OSBPL11: variants seen among roughly 807,000 people sequenced by gnomAD.
The protein encoded by OSBPL11 is oxysterol-binding protein-related protein 11.
In OSBPL11, 33 loss-of-function variants were observed where a neutral mutation model predicts 84.4. The ratio of observed to expected loss-of-function variants is 0.39; its 90% confidence interval spans 0.30 to 0.52. The LOEUF (loss-of-function observed/expected upper bound fraction) is 0.52. OSBPL11 is among the 20% of genes least tolerant of loss of function. The pLI is 0.72. For synonymous variants in OSBPL11, 276 were observed against 310.2 expected (o/e 0.89, Z 1.16); for missense variants, 736 against 901.1 (o/e 0.82, Z 2.35).
intron 3 of OSBPL11, among the ~76,000 whole-genome samples, chr3:125,579,262 C>T (rs1353167196): frequency 6.6e-6 from 1 of 152,122 alleles, no homozygotes; most frequent in Non-Finnish European, 1.5e-5. Flanking sequence ...AAATTACATG[C>T]AGTGAGGTGA....
chr3:125,570,642 T>A (rs944593155), intron 5 of OSBPL11, among the ~76,000 whole-genome samples: 1 of 152,302 alleles, frequency 6.6e-6, no homozygotes, highest in East Asian at 1.9e-4. Context: ...GTTCTCATGA[T>A]AGTGAATAAG....
intron 9 of OSBPL11, among the ~76,000 whole-genome samples, chr3:125,548,678 C>T (rs1329408663): frequency 2.0e-5 from 3 of 152,018 alleles, no homozygotes; most frequent in South Asian, 4.1e-4. Context: ...CAACAGACCA[C>T]ATATTGAAGT....
chr3:125,532,054 A>T (rs765369899), intron 11 of OSBPL11, 40 bp from the exon 12 acceptor site: 1 of 1,567,642 alleles, frequency 6.4e-7, no homozygotes, highest in Non-Finnish European at 8.6e-7. Flanking sequence ...GCATTCTTTA[A>T]AAGAGATAAT....
At chr3:125,578,542 G>A (rs1295514180) in intron 4 of OSBPL11, among the ~76,000 whole-genome samples, 2 of 152,156 alleles carry the variant, frequency 1.3e-5, no homozygotes, top group African/African-American at 2.4e-5. Flanking sequence ...TCAGGAGTTC[G>A]AGGCCAGCCT....
chr3:125,572,941 T>C (rs1259583700), intron 5 of OSBPL11, among the ~76,000 whole-genome samples: 1 of 147,168 alleles, frequency 6.8e-6, no homozygotes, highest in African/African-American at 2.5e-5. Flanking sequence ...ACACACATAC[T>C]TTAAAGCAGA....
At chr3:125,544,981 T>C (rs961720364) in intron 10 of OSBPL11, among the ~76,000 whole-genome samples, 3 of 152,206 alleles carry the variant, frequency 2.0e-5, no homozygotes, top group African/African-American at 7.2e-5. Context: ...TTTTAAAAAC[T>C]TGACAAATCA....
Position 125,552,620 on chromosome 3 carries a change from A to G in OSBPL11, c.1215T>C (p.Phe405=). Reference sequence around the variant, plus strand: ...CTATAAATAGGTCTGGATGAGACATAAAGTCTGCATACATTTCCAGCAAGG... The same window carrying G: ...CTATAAATAGGTCTGGATGAGACATGAAGTCTGCATACATTTCCAGCAAGG... ...KRSLLEMYAD[F]MSHPDLFIAI... The change falls in exon 9 of 13, where the codon TTT becomes TTC. Residue 405 remains phenylalanine, a synonymous_variant. Transcript: ENST00000296220. 1.2e-6 allele frequency: 2 copies of G among 1,614,006 alleles called. No homozygotes were observed. The highest frequency in any genetic ancestry group is 1.7e-6 in the Non-Finnish European group (2 of 1,179,862).
In OSBPL11 at chr3:125,547,392, T is replaced by C. The variant is rs1935836194; in HGVS notation, c.1841+14A>G. On this transcript the variant is annotated intron_variant, in intron 10 of 12. Coordinates refer to ENST00000296220, the MANE Select transcript of OSBPL11 (RefSeq NM_022776.5). The stretch of plus-strand genomic sequence containing the variant: ...GGAAGAATAAGAACTAGATAATCAT[T>C]AAAATGTTCTTACCGATGCAGTTTG... 2 of 1,603,226 alleles carry C rather than the reference T, an allele frequency of 1.2e-6. No homozygotes were observed. Among genetic ancestry groups the C allele is most frequent in the African/African-American group, 1.3e-5 (1 of 74,570 alleles).
chr3:125,550,371 T>TCACACACACACA (rs58412964), intron 9 of OSBPL11, among the ~76,000 whole-genome samples: 1 of 132,244 alleles, frequency 7.6e-6, no homozygotes, highest in Non-Finnish European at 1.6e-5. Flanking sequence ...CTAGACCGTG[T>TCACACACACACA]CACACACACA....
At chr3:125,548,903 G>A (rs538297337) in intron 9 of OSBPL11, among the ~76,000 whole-genome samples, 2 of 150,942 alleles carry the variant, frequency 1.3e-5, no homozygotes, top group African/African-American at 2.4e-5. Context: ...GCTCTTAATA[G>A]TCTTCACAAA....
intron 7 of OSBPL11, among the ~76,000 whole-genome samples, chr3:125,561,448 G>A (rs748252393): frequency 2.2e-4 from 33 of 152,050 alleles, no homozygotes; most frequent in African/African-American, 6.8e-4. Flanking sequence ...TCTAACCACT[G>A]AGAGTCAAAA....
At chr3:125,556,021 G>A (rs185949766) in intron 8 of OSBPL11, among the ~76,000 whole-genome samples, 12 of 152,284 alleles carry the variant, frequency 7.9e-5, no homozygotes, top group Admixed American at 2.0e-4. Context: ...AATGAAACAC[G>A]AGGGCAACAC....
chr3:125,593,689 T>C (rs1174388866), intron 1 of OSBPL11, among the ~76,000 whole-genome samples: 1 of 152,150 alleles, frequency 6.6e-6, no homozygotes, highest in Non-Finnish European at 1.5e-5. Flanking sequence ...GCATATTTCA[T>C]ACATATGAAT....
At chr3:125,588,236 A>AG (rs1936544917) in intron 1 of OSBPL11, among the ~76,000 whole-genome samples, 2 of 151,834 alleles carry the variant, frequency 1.3e-5, no homozygotes, top group East Asian at 3.9e-4. Flanking sequence ...AAAAAAAAAA[A>AG]AAAAAAGAGA....
Position 125,530,451 on chromosome 3 carries a change from A to T in OSBPL11, c.*64T>A. On this transcript the variant is annotated 3_prime_UTR_variant, in exon 13 of 13. Transcript: ENST00000296220. ...GCAGGTCACTCAGTGCAATGACTCC[A>T]TTCTGGGAGGATTTAGGGTAAACAG... The T allele has an allele frequency of 2.1e-6, 3 of 1,460,628 alleles. No individual in the cohort carries two copies. The South Asian group carries it at 3.4e-5, about 17-fold the overall frequency. The allele number at this position is 1,460,628 out of a possible 1,614,324, so 90.5% of individuals were successfully genotyped here.
At chr3:125,564,533 T>C (rs1936128165) in intron 6 of OSBPL11, among the ~76,000 whole-genome samples, 1 of 152,214 alleles carries the variant, frequency 6.6e-6, no homozygotes, top group East Asian at 1.9e-4. Context: ...TAATCAATAA[T>C]GGAAAATGTT....
intron 1 of OSBPL11, among the ~76,000 whole-genome samples, chr3:125,588,868 A>G (rs1161794397): frequency 6.6e-6 from 1 of 152,226 alleles, no homozygotes; most frequent in Non-Finnish European, 1.5e-5. Context: ...TCCTCCCCAA[A>G]AAATTCAACT....
intron 1 of OSBPL11, among the ~76,000 whole-genome samples, chr3:125,586,766 C>T (rs1164016722): frequency 2.0e-5 from 3 of 152,160 alleles, no homozygotes; most frequent in Non-Finnish European, 2.9e-5. Flanking sequence ...CCGCCTGCCT[C>T]GGCTTCCCAA....
chr3:125,535,439 C>CTTT (rs763678488), intron 11 of OSBPL11, among the ~76,000 whole-genome samples: 4,488 of 84,244 alleles, frequency 0.053, 297 homozygotes, highest in Non-Finnish European at 0.076. Context: ...TCAGAAGCAT[C>CTTT]TTTTTTTTTT....
Sources: allele counts gnomAD v4.1 joint callset (sites outside exome capture counted in the v4.1 genomes callset), GRCh38; gene constraint gnomAD v4.1.1; transcripts MANE v1.5; gene names NCBI Gene and HGNC (gene_info 2026-07-23, HGNC 2026-07-21).